The following CAMK2A variants were observed in gnomAD, a reference collection of about 807,000 sequenced individuals.
The protein encoded by CAMK2A is calcium/calmodulin dependent protein kinase II alpha.
In CAMK2A, 7 loss-of-function variants were observed where a neutral mutation model predicts 79.2. The ratio of observed to expected loss-of-function variants is 0.09; its 90% CI spans 0.05 to 0.17. CAMK2A has a LOEUF of 0.17. Among genes scored for constraint, CAMK2A ranks in the 10% least tolerant of loss-of-function variants. CAMK2A has a pLI of 1.00. For missense variants in CAMK2A, 214 were observed against 646.4 expected (o/e 0.33, Z 7.25); for synonymous variants, 242 against 251.7 (o/e 0.96, Z 0.36).
At chr5:150,228,986 G>A (rs1484332254) in intron 16 of CAMK2A, among the ~76,000 whole-genome samples, 2 of 152,204 alleles carry the variant, frequency 1.3e-5, no homozygotes, top group African/African-American at 4.8e-5. Flanking sequence ...TGACAGCCAG[G>A]CAGGGGAAGG....
At chr5:150,251,665 C>T (rs1580923559) in intron 9 of CAMK2A, 85 bp downstream of exon 9, 9 of 1,059,078 alleles carry the variant, frequency 8.5e-6, no homozygotes, top group East Asian at 7.8e-5. Flanking sequence ...CACCCCTGTG[C>T]CAGAACTAGA....
chr5:150,275,702 G>A (rs186934003), intron 1 of CAMK2A, among the ~76,000 whole-genome samples: 2 of 152,310 alleles, frequency 1.3e-5, no homozygotes, highest in East Asian at 3.9e-4. Flanking sequence ...ATGATAAAGG[G>A]TACAGATGAA....
chr5:150,230,336 A>G (rs1272438887), intron 16 of CAMK2A, among the ~76,000 whole-genome samples: 1 of 117,348 alleles, frequency 8.5e-6, no homozygotes, highest in Non-Finnish European at 2.0e-5. Context: ...AAAAAAAAAA[A>G]AAAAGGGAAA....
chr5:150,241,498 C>T (rs1346659485), intron 13 of CAMK2A, among the ~76,000 whole-genome samples: 1 of 135,870 alleles, frequency 7.4e-6, no homozygotes, highest in African/African-American at 2.8e-5. Context: ...CTTCCTTCCT[C>T]TCCTCTCCTC....
At chr5:150,244,512 A>G (rs1755475542) in intron 13 of CAMK2A, among the ~76,000 whole-genome samples, 1 of 152,240 alleles carries the variant, frequency 6.6e-6, no homozygotes, top group African/African-American at 2.4e-5. Flanking sequence ...ACCAGGCCCC[A>G]GAGAGCAGAG....
At chr5:150,285,362 A>T (rs1757381973) in intron 1 of CAMK2A, among the ~76,000 whole-genome samples, 1 of 152,204 alleles carries the variant, frequency 6.6e-6, no homozygotes, top group Admixed American at 6.5e-5. Flanking sequence ...AGGAGAGGGT[A>T]TAAGAGGTGG....
At chr5:150,266,035 A>G (rs1756499477) in intron 2 of CAMK2A, among the ~76,000 whole-genome samples, 1 of 152,182 alleles carries the variant, frequency 6.6e-6, no homozygotes. Context: ...ATTCTTCCAG[A>G]GGGCTGTGTT....
At position 150,270,176 on chromosome 5, in the gene CAMK2A, T is replaced by C. The variant is rs577152169; in HGVS notation, c.157+2889A>G. 2.0e-5 allele frequency among the ~76,000 whole-genome samples: 3 copies of C among 152,314 alleles called. No individual in the cohort carries two copies. The East Asian group carries it at 5.8e-4, about 29-fold the overall frequency. On this transcript the variant is annotated intron_variant, in intron 2 of 18. Transcript: ENST00000671881. ...AGCCTGTATTATTGTATTAGGTTGG[T>C]GTTAATAGCTACTGTTACTGATGAT...
At chr5:150,241,407 T>C (rs1343902878) in intron 13 of CAMK2A, among the ~76,000 whole-genome samples, 1 of 146,932 alleles carries the variant, frequency 6.8e-6, no homozygotes, top group Non-Finnish European at 1.5e-5. Flanking sequence ...CTTCCTCTTT[T>C]CTTCCTCTCT....
At chr5:150,245,517 G>A (rs1755529159) in intron 12 of CAMK2A, among the ~76,000 whole-genome samples, 1 of 152,160 alleles carries the variant, frequency 6.6e-6, no homozygotes, top group South Asian at 2.1e-4. Context: ...GATTCCCTCT[G>A]AATCCCTGTC....
intron 2 of CAMK2A, among the ~76,000 whole-genome samples, chr5:150,269,252 C>T (rs567047541): frequency 1.6e-4 from 24 of 152,224 alleles, no homozygotes; most frequent in African/African-American, 5.5e-4. Flanking sequence ...TGGGTCACCT[C>T]CAGGGTGTGG....
At chr5:150,245,831 G>C (rs1755545381) in intron 12 of CAMK2A, among the ~76,000 whole-genome samples, 1 of 152,202 alleles carries the variant, frequency 6.6e-6, no homozygotes, top group African/African-American at 2.4e-5. Context: ...GGGTGGCAGG[G>C]ACAACCAGAG....
Position 150,223,093 on chromosome 5 carries a change from G to A in CAMK2A, c.1362C>T (p.Ile454=), listed in dbSNP as rs746187422. 2.5e-6 allele frequency: 4 copies of A among 1,614,062 alleles called. No individual in the cohort carries two copies. The highest frequency in any genetic ancestry group is 1.7e-5 in the Admixed American group (1 of 60,018). The part of the protein sequence containing the change: ...RITQYLDAGG[I]PRTAQSEETR... ...TCTCCTCCGACTGGGCGGTGCGTGG[G>A]ATGCCGCCAGCGTCCAGGTACTGCG... Residue 454 remains isoleucine (I), a synonymous_variant, in exon 18 of 19, where the codon ATC becomes ATT. Transcript: ENST00000671881. This position sits in a 1 kb window ranked among gnomAD's most constrained non-coding sequence, Gnocchi z 4.1.
intron 1 of CAMK2A, among the ~76,000 whole-genome samples, chr5:150,283,184 G>T (rs562511227): frequency 1.2e-4 from 19 of 152,270 alleles, no homozygotes; most frequent in Non-Finnish European, 1.8e-4. Flanking sequence ...TAATAGTCCT[G>T]CTAGGACCCA....
intron 11 of CAMK2A, among the ~76,000 whole-genome samples, chr5:150,249,606 T>C (rs1189852189): frequency 1.3e-5 from 2 of 151,732 alleles, no homozygotes; most frequent in African/African-American, 2.4e-5. Flanking sequence ...TGGAGTGCAA[T>C]GGCACGATCT....
intron 15 of CAMK2A, 90 bp downstream of exon 15, chr5:150,238,610 T>C (rs1039103066): frequency 2.4e-6 from 3 of 1,236,564 alleles, no homozygotes; most frequent in Non-Finnish European, 3.5e-6. Flanking sequence ...AGAAATGAGG[T>C]TGGCACGTGG....
At chr5:150,233,835 T>TG (rs1754948559) in intron 15 of CAMK2A, among the ~76,000 whole-genome samples, 2 of 152,166 alleles carry the variant, frequency 1.3e-5, no homozygotes, top group African/African-American at 4.8e-5. Context: ...TTTTTTGAGA[T>TG]GGGGTCTCTC....
intron 1 of CAMK2A, among the ~76,000 whole-genome samples, chr5:150,288,416 A>G (rs1315726947): frequency 6.6e-6 from 1 of 152,096 alleles, no homozygotes; most frequent in East Asian, 1.9e-4. Flanking sequence ...CTTACACACG[A>G]AGCACCTCTT....
chr5:150,228,045 G>A (rs1455614287), intron 17 of CAMK2A, 147 bp downstream of exon 17: 2 of 626,906 alleles, frequency 3.2e-6, no homozygotes, highest in African/African-American at 3.7e-5. Context: ...GGAACCAAGA[G>A]GGTACCAACC....
Sources: allele counts gnomAD v4.1 joint callset (sites outside exome capture counted in the v4.1 genomes callset), GRCh38; gene constraint gnomAD v4.1.1; non-coding constraint Gnocchi (gnomAD v3.1); transcripts MANE v1.5; gene names NCBI Gene and HGNC (gene_info 2026-07-23, HGNC 2026-07-21).